SORCS3: variants seen among roughly 807,000 people sequenced by gnomAD.
The protein encoded by SORCS3 is sortilin related VPS10 domain containing receptor 3.
SORCS3 carries 57 observed loss-of-function variants against 146.3 expected under a neutral mutation model. The observed-to-expected ratio is 0.39, with a 90% CI of 0.31 to 0.49. The LOEUF (loss-of-function observed/expected upper bound fraction) is 0.49. SORCS3 is among the 20% of genes least tolerant of loss of function. The probability of loss-of-function intolerance (pLI) is 0.92; values close to 1 mark genes in which losing one functional copy is unlikely to be tolerated. For missense variants in SORCS3, 1,341 were observed against 1,575.5 expected, an observed-to-expected ratio of 0.85 and a Z score of 2.52; for synonymous variants, 653 against 618.5, an observed-to-expected ratio of 1.06 and a Z score of -0.83.
intron 2 of SORCS3, among the ~76,000 whole-genome samples, chr10:104,855,680 C>G (rs994548783): frequency 1.3e-5 from 2 of 151,948 alleles, no homozygotes; most frequent in African/African-American, 4.8e-5. Context: ...ATTATTTCCC[C>G]AAGACCTTGC....
At chr10:104,719,660 C>T (rs553589331) in intron 1 of SORCS3, among the ~76,000 whole-genome samples, 1 of 152,232 alleles carries the variant, frequency 6.6e-6, no homozygotes, top group South Asian at 2.1e-4. Context: ...TAAAGGAACA[C>T]TGAATATAAA....
intron 4 of SORCS3, among the ~76,000 whole-genome samples, chr10:105,032,365 T>A (rs1456683487): frequency 6.6e-6 from 1 of 152,198 alleles, no homozygotes; most frequent in Non-Finnish European, 1.5e-5. Context: ...ACCATCAGTA[T>A]GTATTTTGTG....
chr10:104,661,900 CA>C (rs1722979785), intron 1 of SORCS3, among the ~76,000 whole-genome samples: 1 of 152,124 alleles, frequency 6.6e-6, no homozygotes, highest in South Asian at 2.1e-4. Context: ...ATATTGGAAT[CA>C]AAAGTGAAGC....
At chr10:104,831,708 C>G (rs575898239) in intron 1 of SORCS3, among the ~76,000 whole-genome samples, 1 of 152,330 alleles carries the variant, frequency 6.6e-6, no homozygotes, top group South Asian at 2.1e-4. Flanking sequence ...GGGCAACAAC[C>G]TAGATACCTT....
chr10:104,807,856 T>C (rs1220231223), intron 1 of SORCS3, among the ~76,000 whole-genome samples: 1 of 152,246 alleles, frequency 6.6e-6, no homozygotes, highest in African/African-American at 2.4e-5. Flanking sequence ...CGTAATTTAC[T>C]TTCAAATCTG....
At chr10:105,252,936 T>C (rs777565609) in intron 23 of SORCS3, 30 bp downstream of exon 23, 7 of 1,610,936 alleles carry the variant, frequency 4.3e-6, no homozygotes, top group Non-Finnish European at 5.9e-6. Context: ...GCTGGGACCC[T>C]TGCCTGCACC....
At position 104,641,804 on chromosome 10, in the gene SORCS3, C is replaced by A; in HGVS notation, c.477C>A (p.Pro159=). Residue 159 remains proline, a synonymous_variant, in exon 1 of 27, where the codon CCC becomes CCA. Coordinates refer to ENST00000369701, the MANE Select transcript of SORCS3 (RefSeq NM_014978.3). This position sits in a 1 kb window ranked among gnomAD's most constrained non-coding sequence, Gnocchi z 6.4. ...APADGSRGSR[P]LAKGSREEVK... The stretch of plus-strand genomic sequence containing the variant: ...CCGATGGTTCCAGAGGAAGCCGTCC[C>A]CTTGCTAAGGGTTCCCGGGAGGAGG... 1 of 1,551,584 alleles carries A rather than the reference C, an allele frequency of 6.4e-7. No individual in the cohort carries two copies. Among genetic ancestry groups the A allele is most frequent in the Non-Finnish European group, 8.7e-7 (1 of 1,148,734 alleles).
intron 7 of SORCS3, among the ~76,000 whole-genome samples, chr10:105,120,730 A>C (rs1000784703): frequency 2.6e-5 from 4 of 152,212 alleles, no homozygotes; most frequent in African/African-American, 9.6e-5. Context: ...AATTTGCTAC[A>C]TATTATAAAG....
intron 5 of SORCS3, among the ~76,000 whole-genome samples, chr10:105,069,598 C>T (rs780580135): frequency 6.6e-6 from 1 of 152,204 alleles, no homozygotes; most frequent in Non-Finnish European, 1.5e-5. Flanking sequence ...CAGTGCTTGG[C>T]TCTGCCACGC....
At chr10:104,884,187 T>C (rs2018659243) in intron 2 of SORCS3, among the ~76,000 whole-genome samples, 1 of 152,224 alleles carries the variant, frequency 6.6e-6, no homozygotes, top group South Asian at 2.1e-4. Context: ...ACTTAGCCCA[T>C]GAGTTTCCAG....
chr10:104,901,440 T>C (rs148096802), intron 2 of SORCS3, among the ~76,000 whole-genome samples: 2 of 152,352 alleles, frequency 1.3e-5, no homozygotes, highest in East Asian at 1.9e-4. Flanking sequence ...TCCTACTCAT[T>C]TATCCCTTAT....
intron 2 of SORCS3, among the ~76,000 whole-genome samples, chr10:104,847,264 G>A (rs546566085): frequency 8.5e-5 from 13 of 152,306 alleles, no homozygotes; most frequent in African/African-American, 2.4e-4. Context: ...TCCACTGCTC[G>A]AGGTTATTAA....
intron 2 of SORCS3, among the ~76,000 whole-genome samples, chr10:104,871,580 T>C (rs775042510): frequency 3.3e-5 from 5 of 152,236 alleles, no homozygotes; most frequent in Non-Finnish European, 5.9e-5. Flanking sequence ...CTGCAATGTG[T>C]CTACAACAGA....
chr10:105,223,329 G>C, intron 20 of SORCS3, 80 bp downstream of exon 20: 3 of 1,386,710 alleles, frequency 2.2e-6, no homozygotes, highest in Non-Finnish European at 2.9e-6. Context: ...TCTATTAGGG[G>C]GCACTGAGAA....
At chr10:104,894,546 G>A (rs1327827123) in intron 2 of SORCS3, among the ~76,000 whole-genome samples, 1 of 152,200 alleles carries the variant, frequency 6.6e-6, no homozygotes, top group Admixed American at 6.5e-5. Flanking sequence ...AGGAATATAA[G>A]CTAGGGGAGT....
chr10:105,147,415 A>G (rs1473562614), intron 8 of SORCS3, among the ~76,000 whole-genome samples: 2 of 151,994 alleles, frequency 1.3e-5, no homozygotes, highest in African/African-American at 2.4e-5. Context: ...AGCCCCTAAC[A>G]CCCATTTTGC....
chr10:105,042,849 A>G (rs1355688234), intron 4 of SORCS3, among the ~76,000 whole-genome samples: 2 of 152,102 alleles, frequency 1.3e-5, no homozygotes, highest in Non-Finnish European at 2.9e-5. Flanking sequence ...CAAAAGTATC[A>G]GTTGATTGGA....
chr10:105,116,662 A>T (rs552887152), intron 7 of SORCS3, among the ~76,000 whole-genome samples: 4 of 150,970 alleles, frequency 2.6e-5, no homozygotes, highest in East Asian at 1.9e-4. Context: ...AGACTAGATT[A>T]AAAAAAAATG....
chr10:104,894,285 T>C (rs1392001565), intron 2 of SORCS3, among the ~76,000 whole-genome samples: 1 of 152,228 alleles, frequency 6.6e-6, no homozygotes, highest in Non-Finnish European at 1.5e-5. Context: ...GTATTCTTCA[T>C]CTACCAACAT....
Sources: allele counts gnomAD v4.1 joint callset (sites outside exome capture counted in the v4.1 genomes callset), GRCh38; gene constraint gnomAD v4.1.1; non-coding constraint Gnocchi (gnomAD v3.1); transcripts MANE v1.5; gene names NCBI Gene and HGNC (gene_info 2026-07-23, HGNC 2026-07-21).